The following TRAPPC9 variants were observed in gnomAD, a reference collection of about 807,000 sequenced individuals.
TRAPPC9 encodes the protein IKK2 binding protein.
TRAPPC9 carries 83 observed loss-of-function variants against 124.0 expected under a neutral mutation model. The ratio of observed to expected loss-of-function variants is 0.67; its 90% CI spans 0.56 to 0.80. The LOEUF is 0.80. TRAPPC9 is among the 30% of genes least tolerant of loss of function. The probability of loss-of-function intolerance (pLI) is 0.00; values close to 1 mark genes in which losing one functional copy is unlikely to be tolerated. For synonymous variants in TRAPPC9, 638 were observed against 617.5 expected, an observed-to-expected ratio of 1.03 and a Z score of -0.49; for missense variants, 1,302 against 1,508.3, an observed-to-expected ratio of 0.86 and a Z score of 2.27.
chr8:139,812,064 G>T (rs922436905), intron 21 of TRAPPC9, among the ~76,000 whole-genome samples: 1 of 152,322 alleles, frequency 6.6e-6, no homozygotes, highest in Non-Finnish European at 1.5e-5. Flanking sequence ...ACATGAGAAC[G>T]CTGGAGAGAT....
At chr8:140,370,436 G>A (rs1007124070) in intron 8 of TRAPPC9, among the ~76,000 whole-genome samples, 2 of 152,102 alleles carry the variant, frequency 1.3e-5, no homozygotes, top group African/African-American at 2.4e-5. Flanking sequence ...CACCGTGCCT[G>A]GCCCCCAAAA....
intron 9 of TRAPPC9, among the ~76,000 whole-genome samples, chr8:140,351,423 T>C (rs1165117418): frequency 6.6e-6 from 1 of 151,814 alleles, no homozygotes; most frequent in African/African-American, 2.4e-5. Context: ...ATGGCTTATG[T>C]AGGTAGCATT....
chr8:139,975,981 C>T (rs537645223), intron 19 of TRAPPC9, among the ~76,000 whole-genome samples: 32 of 150,052 alleles, frequency 2.1e-4, no homozygotes, highest in Non-Finnish European at 3.8e-4. Flanking sequence ...GCTTCACCCC[C>T]CCGGGGTTCA....
chr8:140,129,979 TG>T (rs1186751787), intron 17 of TRAPPC9, among the ~76,000 whole-genome samples: 1 of 152,156 alleles, frequency 6.6e-6, no homozygotes, highest in Non-Finnish European at 1.5e-5. Flanking sequence ...TCAGGGCCCC[TG>T]GAGAGATGAC....
chr8:140,195,811 T>C (rs1242341339), intron 17 of TRAPPC9, among the ~76,000 whole-genome samples: 5 of 151,158 alleles, frequency 3.3e-5, no homozygotes, highest in Admixed American at 6.6e-5. Context: ...AGACCACACC[T>C]GTGATACTAA....
chr8:140,091,485 G>A (rs1455427476), intron 17 of TRAPPC9, among the ~76,000 whole-genome samples: 2 of 152,202 alleles, frequency 1.3e-5, no homozygotes, highest in African/African-American at 4.8e-5. Context: ...AGCTGAGCTT[G>A]CTTCAAGGAA....
rs796729011 is a variant in TRAPPC9, at chr8:140,384,480, T to C, written c.1134+13140A>G. ...GATGGAGGAGGATCTACCAAGGAAA[T>C]GGAAAACAAAAAAAGGCAGGGGTTG... is the stretch of plus-strand genomic sequence containing the variant. On this transcript the variant is annotated intron_variant, in intron 7 of 22. Transcript: ENST00000438773. Among the ~76,000 whole-genome samples the C allele has an allele frequency of 5.3e-5, 8 of 151,702 alleles. No homozygotes were observed. In the East Asian group the frequency reaches 1.2e-3, roughly 22 times the overall value.
intron 19 of TRAPPC9, among the ~76,000 whole-genome samples, chr8:139,983,120 G>A (rs1455514561): frequency 1.3e-5 from 2 of 152,174 alleles, no homozygotes; most frequent in Non-Finnish European, 2.9e-5. Context: ...TCTTTTAAAT[G>A]AAGCTTGAGA....
chr8:140,258,321 G>A (rs139378056), intron 15 of TRAPPC9, among the ~76,000 whole-genome samples: 1 of 152,342 alleles, frequency 6.6e-6, no homozygotes, highest in Non-Finnish European at 1.5e-5. Context: ...CACAAGTAAT[G>A]GATTTGACAT....
At chr8:139,777,333 T>G (rs533648958) in intron 21 of TRAPPC9, among the ~76,000 whole-genome samples, 1 of 152,348 alleles carries the variant, frequency 6.6e-6, no homozygotes, top group South Asian at 2.1e-4. Flanking sequence ...TTTTCTAAAG[T>G]TTACCCATGA....
At position 140,063,603 on chromosome 8, in the gene TRAPPC9, T is replaced by C. The variant is rs1563732326; in HGVS notation, c.2557-39524A>G. On this transcript the variant is annotated intron_variant, in intron 17 of 22. Transcript: ENST00000438773. The surrounding 1 kb of genome is among the most constrained non-coding windows in gnomAD (Gnocchi z 4.3). ...ATAAAGAAAACTTAGATTTTGATAA[T>C]CAGTAAAAACAGTACCTGAGTACTA... Among the ~76,000 whole-genome samples the C allele has an allele frequency of 6.6e-6, 1 of 152,180 alleles. No individual in the cohort carries two copies. The highest frequency in any genetic ancestry group is 1.5e-5 in the Non-Finnish European group (1 of 68,026).
chr8:139,842,006 T>A (rs973606465), intron 21 of TRAPPC9, among the ~76,000 whole-genome samples: 11 of 152,164 alleles, frequency 7.2e-5, no homozygotes, highest in Admixed American at 3.9e-4. Context: ...CAGACCGCTT[T>A]GGAAAACACA....
chr8:140,019,066 T>C (rs988259787), intron 18 of TRAPPC9, among the ~76,000 whole-genome samples: 2 of 152,266 alleles, frequency 1.3e-5, no homozygotes, highest in African/African-American at 4.8e-5. Context: ...GATATAATCA[T>C]ATGATTTTTC....
rs559138361 is a variant in TRAPPC9, at chr8:140,161,645, C to T, written c.2556+59814G>A. Among the ~76,000 whole-genome samples the T allele has an allele frequency of 5.9e-5, 9 of 152,168 alleles. No individual in the cohort carries two copies. In the South Asian group the frequency reaches 1.9e-3, roughly 32 times the overall value. The stretch of plus-strand genomic sequence containing the variant: ...CAGGTGTGGAATTTTCCACTTGTGG[C>T]GTCATGCAAGTGCTCAAAAAGTTTC... On this transcript the variant is annotated intron_variant, in intron 17 of 22. Coordinates refer to ENST00000438773, the MANE Select transcript of TRAPPC9 (RefSeq NM_001160372.4).
intron 19 of TRAPPC9, chr8:139,932,227 C>T (rs1833194386): frequency 2.3e-6 from 1 of 427,616 alleles, no homozygotes; most frequent in South Asian, 1.7e-5. Flanking sequence ...CCCACAGAGC[C>T]ACTTCGCCGT....
Position 140,179,491 on chromosome 8 carries a change from C to T in TRAPPC9, c.2556+41968G>A, listed in dbSNP as rs140995863. ...AATTTATTGAGACTTGATTTATCAC[C>T]CCAAATATGGTCTATCTTACCAAAT... On this transcript the variant is annotated intron_variant, in intron 17 of 22. Transcript: ENST00000438773. Among the ~76,000 whole-genome samples, 364 of 151,970 alleles carry T rather than the reference C, an allele frequency of 2.4e-3. 1 individual carries two copies. Among genetic ancestry groups the T allele is most frequent in the African/African-American group, 8.6e-3 (357 of 41,490 alleles).
chr8:140,274,984 T>A (rs1420629694), intron 15 of TRAPPC9, among the ~76,000 whole-genome samples: 2 of 152,182 alleles, frequency 1.3e-5, no homozygotes, highest in Admixed American at 1.3e-4. Flanking sequence ...TGTATTAAAT[T>A]ACCCGGTTTT....
chr8:140,040,815 G>A (rs1841227060), intron 17 of TRAPPC9: 1 of 152,260 alleles, frequency 6.6e-6, no homozygotes, highest in African/African-American at 2.4e-5. Flanking sequence ...CTTGGAAGGT[G>A]TCCTGAGCCA....
chr8:140,360,271 T>C (rs2067909903), intron 8 of TRAPPC9, 78 bp from the exon 9 acceptor site: 15 of 1,588,862 alleles, frequency 9.4e-6, no homozygotes, highest in Middle Eastern at 1.9e-4. Context: ...GTTGTAAAAC[T>C]TGGCAATTTG....
Sources: gnomAD v4.1 joint callset for allele counts (sites outside exome capture counted in the v4.1 genomes callset) on GRCh38, gnomAD v4.1.1 for gene constraint, Gnocchi (gnomAD v3.1) non-coding constraint, MANE v1.5 for transcripts, NCBI Gene and HGNC (gene_info 2026-07-23, HGNC 2026-07-21) for gene names.